PRDM16: variants seen among roughly 807,000 people sequenced by gnomAD.
The protein encoded by PRDM16 is PR/SET domain 16.
PRDM16 carries 23 observed loss-of-function variants against 110.6 expected under a neutral mutation model. The ratio of observed to expected loss-of-function variants is 0.21; its 90% CI spans 0.15 to 0.29. The LOEUF is 0.29. Among genes scored for constraint, PRDM16 ranks in the 10% least tolerant of loss-of-function variants. PRDM16 has a pLI of 1.00. For missense variants in PRDM16, 1,615 were observed against 1,794.3 expected (o/e 0.90, Z 1.81); for synonymous variants, 799 against 781.8 (o/e 1.02, Z -0.37).
At chr1:3,218,988 C>T (rs753642310) in intron 2 of PRDM16, among the ~76,000 whole-genome samples, 7 of 152,238 alleles carry the variant, frequency 4.6e-5, no homozygotes, top group Non-Finnish European at 1.0e-4. Context: ...GGGCCCAGCT[C>T]TCCCAAAGGA....
chr1:3,261,318 C>T (rs1303938441), intron 3 of PRDM16, among the ~76,000 whole-genome samples: 1 of 152,108 alleles, frequency 6.6e-6, no homozygotes, highest in African/African-American at 2.4e-5. Flanking sequence ...ATGAGGTAGT[C>T]GGGTCAAAAT....
chr1:3,302,560 G>T (rs564829173), intron 3 of PRDM16, among the ~76,000 whole-genome samples: 10 of 152,064 alleles, frequency 6.6e-5, no homozygotes, highest in African/African-American at 2.4e-4. Flanking sequence ...TCAATGAAAT[G>T]AGGTGTGCCT....
intron 3 of PRDM16, among the ~76,000 whole-genome samples, chr1:3,340,511 T>G (rs949209832): frequency 6.6e-6 from 1 of 152,138 alleles, no homozygotes; most frequent in East Asian, 1.9e-4. Context: ...ATAAAACAAT[T>G]ATTTTTGACA....
At chr1:3,188,529 C>T (rs1002684229) in intron 2 of PRDM16, among the ~76,000 whole-genome samples, 6 of 152,214 alleles carry the variant, frequency 3.9e-5, no homozygotes, top group Non-Finnish European at 5.9e-5. Flanking sequence ...GCGCACCTCC[C>T]GTTTCTGCGG....
chr1:3,251,250 G>A lies in PRDM16; in HGVS notation c.438+7113G>A, dbSNP rs111433425. Among the ~76,000 whole-genome samples the A allele has an allele frequency of 6.2e-3, 935 of 151,286 alleles. 10 individuals carry two copies. Among genetic ancestry groups the A allele is most frequent in the Non-Finnish European group, 7.3e-3 (492 of 67,846 alleles). The stretch of plus-strand genomic sequence containing the variant: ...TCAGCCTTGAGCTCCAGGCCTGGCC[G>A]TTTGGTTTCCTCTTTTGCAATGGGA... On this transcript the variant is annotated intron_variant, in intron 3 of 16. Transcript: ENST00000270722.
intron 3 of PRDM16, among the ~76,000 whole-genome samples, chr1:3,253,176 C>T (rs1639973314): frequency 6.6e-6 from 1 of 151,902 alleles, no homozygotes; most frequent in African/African-American, 2.4e-5. Flanking sequence ...AAATAAGGCA[C>T]CACACTCTTT....
At chr1:3,410,470 G>A (rs1436019690) in intron 8 of PRDM16, among the ~76,000 whole-genome samples, 7 of 152,166 alleles carry the variant, frequency 4.6e-5, no homozygotes, top group Non-Finnish European at 8.8e-5. Flanking sequence ...CTCCTGCCCG[G>A]GGTGACCTCC....
At chr1:3,198,192 C>G (rs1638529042) in intron 2 of PRDM16, among the ~76,000 whole-genome samples, 1 of 152,202 alleles carries the variant, frequency 6.6e-6, no homozygotes, top group African/African-American at 2.4e-5. Context: ...CCCCGAGCTG[C>G]AGTGTGGCTG....
chr1:3,197,852 G>C (rs563423351), intron 2 of PRDM16, among the ~76,000 whole-genome samples: 2 of 152,156 alleles, frequency 1.3e-5, no homozygotes, highest in African/African-American at 4.8e-5. Flanking sequence ...GGTCAGGGAC[G>C]AGGGTCAGGG....
rs915988272 is a variant in PRDM16 at position 3,265,794 on chromosome 1, G to A, written c.438+21657G>A. 2.0e-5 allele frequency among the ~76,000 whole-genome samples: 3 copies of A among 152,112 alleles called. No individual in the cohort carries two copies. Among genetic ancestry groups the A allele is most frequent in the African/African-American group, 4.8e-5 (2 of 41,412 alleles). On this transcript the variant is annotated intron_variant, in intron 3 of 16. Transcript: ENST00000270722. The surrounding 1 kb of genome is among the most constrained non-coding windows in gnomAD (Gnocchi z 4.5). Reference sequence around the variant, plus strand: ...TGGCACCTCACGCTCTGTCCTCACCGCCCAGACCCTAGGAGCCCCCAGACC... The same window carrying A: ...TGGCACCTCACGCTCTGTCCTCACCACCCAGACCCTAGGAGCCCCCAGACC...
At chr1:3,205,020 C>T (rs1284449852) in intron 2 of PRDM16, among the ~76,000 whole-genome samples, 2 of 152,122 alleles carry the variant, frequency 1.3e-5, no homozygotes, top group Non-Finnish European at 2.9e-5. Context: ...AGGGGAAACG[C>T]AGGCCCGGGT....
intron 1 of PRDM16, among the ~76,000 whole-genome samples, chr1:3,098,617 C>T (rs1169923515): frequency 5.9e-5 from 9 of 152,206 alleles, no homozygotes; most frequent in Non-Finnish European, 1.2e-4. Context: ...CCCCAGGGAG[C>T]GTGGCCACTG....
chr1:3,422,186 A>G (rs912936369), intron 12 of PRDM16, among the ~76,000 whole-genome samples: 1 of 147,118 alleles, frequency 6.8e-6, no homozygotes, highest in African/African-American at 2.5e-5. Context: ...AGATAGATAG[A>G]TAGGTAGGCA....
At chr1:3,325,264 C>T (rs976085085) in intron 3 of PRDM16, among the ~76,000 whole-genome samples, 2 of 152,198 alleles carry the variant, frequency 1.3e-5, no homozygotes, top group African/African-American at 4.8e-5. Flanking sequence ...GTAAGCTGCT[C>T]AGCTGGGGTA....
At chr1:3,099,862 T>C (rs937507068) in intron 1 of PRDM16, among the ~76,000 whole-genome samples, 1 of 151,674 alleles carries the variant, frequency 6.6e-6, no homozygotes, top group Non-Finnish European at 1.5e-5. Context: ...TGGCGCCCCC[T>C]CCTTCTCCAC....
At chr1:3,191,152 C>T (rs1638300531) in intron 2 of PRDM16, among the ~76,000 whole-genome samples, 1 of 152,258 alleles carries the variant, frequency 6.6e-6, no homozygotes, top group Non-Finnish European at 1.5e-5. Context: ...GAGTAAGTGC[C>T]TCTGCCTCTG....
chr1:3,363,418 G>T (rs1280150145), intron 3 of PRDM16, among the ~76,000 whole-genome samples: 2 of 152,188 alleles, frequency 1.3e-5, no homozygotes, highest in African/African-American at 4.8e-5. Context: ...GAGTCTCTGG[G>T]CTGCTGGTCC....
intron 3 of PRDM16, among the ~76,000 whole-genome samples, chr1:3,323,161 G>C (rs1245596034): frequency 6.6e-6 from 1 of 152,202 alleles, no homozygotes; most frequent in Non-Finnish European, 1.5e-5. Context: ...GGTTTCAAAA[G>C]GGTCTCAGGA....
chr1:3,322,910 T>C (rs1641794366), intron 3 of PRDM16, among the ~76,000 whole-genome samples: 1 of 152,186 alleles, frequency 6.6e-6, no homozygotes, highest in South Asian at 2.1e-4. Context: ...TGTGGTTCAG[T>C]GGACTGGGGC....
Sources: allele counts gnomAD v4.1 joint callset (sites outside exome capture counted in the v4.1 genomes callset), GRCh38; gene constraint gnomAD v4.1.1; non-coding constraint Gnocchi (gnomAD v3.1); transcripts MANE v1.5; gene names NCBI Gene and HGNC (gene_info 2026-07-23, HGNC 2026-07-21).